The following KLF13 variants were observed in gnomAD, a reference collection of about 807,000 sequenced individuals.
KLF13 encodes KLF transcription factor 13.
Under a neutral mutation model 16.7 loss-of-function variants are expected in KLF13, and 8 were observed. The observed-to-expected ratio is 0.48, with a 90% CI of 0.28 to 0.87. KLF13 has a LOEUF of 0.87. Ranked by LOEUF, KLF13 falls within the 40% of genes least tolerant of loss-of-function variation. The pLI is 0.10. For synonymous variants in KLF13, 245 were observed against 208.4 expected (o/e 1.18, Z -1.51); for missense variants, 447 against 452.2 (o/e 0.99, Z 0.10).
At chr15:31,405,313 C>T (rs1158895275), downstream of KLF13, among the ~76,000 whole-genome samples, 1 of 151,926 alleles carries the variant, frequency 6.6e-6, no homozygotes, top group Non-Finnish European at 1.5e-5. Context: ...GACTCCGTCT[C>T]AAAAAAACAG....
intron 1 of KLF13, chr15:31,420,513 G>A: frequency 1.7e-6 from 1 of 595,264 alleles, no homozygotes; most frequent in South Asian, 1.5e-5. Context: ...TATGGCATCA[G>A]GACCATTCTG....
chr15:31,354,108 G>A (rs1327671655), intron 1 of KLF13, among the ~76,000 whole-genome samples: 3 of 152,202 alleles, frequency 2.0e-5, no homozygotes, highest in Admixed American at 2.0e-4. Context: ...CTTGGCCCCA[G>A]AGCCTGGCAC....
rs2038720982 is a variant in KLF13 at position 31,327,065 on chromosome 15, G to C, written c.-148G>C. 4.5e-6 allele frequency: 3 copies of C among 666,566 alleles called. No individual in the cohort carries two copies. The highest frequency in any genetic ancestry group is 5.9e-4 in the Middle Eastern group (1 of 1,704). The allele number at this position is 666,566 out of a possible 1,614,324, so 41.3% of individuals were successfully genotyped here. A position where few individuals can be genotyped will look rare whatever the true frequency, so the allele number is the denominator to read the frequency against. On this transcript the variant is annotated 5_prime_UTR_variant, in exon 1 of 2. Transcript: ENST00000307145. ...GCGGAGCCGCGCGGGTGACGGCACAGGCGGCTGCGCGCCCAGCCCAGCCCA... is the reference window on the plus strand; with the variant it reads ...GCGGAGCCGCGCGGGTGACGGCACACGCGGCTGCGCGCCCAGCCCAGCCCA...
chr15:31,336,003 G>T (rs2038924472), intron 1 of KLF13, among the ~76,000 whole-genome samples: 1 of 152,268 alleles, frequency 6.6e-6, no homozygotes, highest in Non-Finnish European at 1.5e-5. Context: ...CTTGTCTCCT[G>T]TGAGCACAGG....
intron 1 of KLF13, among the ~76,000 whole-genome samples, chr15:31,364,365 T>A (rs917125473): frequency 6.6e-6 from 1 of 152,238 alleles, no homozygotes; most frequent in African/African-American, 2.4e-5. Context: ...CAGCCAGGCT[T>A]CAGCACCCTG....
At chr15:31,329,812 C>A (rs2038795106) in intron 1 of KLF13, among the ~76,000 whole-genome samples, 1 of 152,202 alleles carries the variant, frequency 6.6e-6, no homozygotes, top group South Asian at 2.1e-4. Context: ...GTCCTACCTC[C>A]AGGGTGGAAG....
intron 1 of KLF13, among the ~76,000 whole-genome samples, chr15:31,329,673 C>T (rs550913343): frequency 7.2e-5 from 11 of 152,232 alleles, no homozygotes; most frequent in Non-Finnish European, 1.2e-4. Flanking sequence ...CCAGTTTCCT[C>T]GGAGCGCCTG....
intron 1 of KLF13, among the ~76,000 whole-genome samples, chr15:31,414,655 A>G (rs2040235034): frequency 6.6e-6 from 1 of 152,230 alleles, no homozygotes; most frequent in Non-Finnish European, 1.5e-5. Flanking sequence ...TAAAAGGATT[A>G]ACCCATCAGG....
chr15:31,345,027 G>A (rs1023327168), intron 1 of KLF13, among the ~76,000 whole-genome samples: 1 of 152,228 alleles, frequency 6.6e-6, no homozygotes, highest in Non-Finnish European at 1.5e-5. Flanking sequence ...TCCAGGCTCT[G>A]TGGGTCAGGG....
intron 1 of KLF13, among the ~76,000 whole-genome samples, chr15:31,340,642 C>T (rs1224467084): frequency 1.3e-5 from 2 of 152,148 alleles, no homozygotes; most frequent in Non-Finnish European, 2.9e-5. Context: ...GCCTGTAATC[C>T]CAGCACTTTG....
chr15:31,338,216 G>T (rs1265613991), intron 1 of KLF13, among the ~76,000 whole-genome samples: 3 of 152,176 alleles, frequency 2.0e-5, no homozygotes, highest in African/African-American at 4.8e-5. Context: ...CTTCCTAGTT[G>T]CCCTGGATTA....
At chr15:31,378,073 TG>T (rs1369753999), downstream of KLF13, among the ~76,000 whole-genome samples, 1 of 152,102 alleles carries the variant, frequency 6.6e-6, no homozygotes. Flanking sequence ...TTGCACACAG[TG>T]GGTGCTCTTC....
chr15:31,333,658 G>A (rs750073135), intron 1 of KLF13, among the ~76,000 whole-genome samples: 2 of 151,614 alleles, frequency 1.3e-5, no homozygotes, highest in Non-Finnish European at 2.9e-5. Flanking sequence ...TATCTGATAC[G>A]CAGTCCATAT....
intron 1 of KLF13, among the ~76,000 whole-genome samples, chr15:31,333,443 C>T (rs765335633): frequency 2.0e-5 from 3 of 152,262 alleles, no homozygotes; most frequent in African/African-American, 4.8e-5. Flanking sequence ...CACGGCTTCC[C>T]GCACAGATTT....
rs912479314 is a variant in KLF13, at chr15:31,332,507, C to G, written c.577+4718C>G. On this transcript the variant is annotated intron_variant, in intron 1 of 1. Transcript: ENST00000307145. ...GCTGGTGTGGCGCCATCTCCACTCC[C>G]CCCTTCCCCCTCGCTGAAAGAAGGC... Among the ~76,000 whole-genome samples, 5 of 152,180 alleles carry G rather than the reference C, an allele frequency of 3.3e-5. No homozygotes were observed. In the East Asian group the frequency reaches 7.7e-4, roughly 23 times the overall value.
At chr15:31,423,113 G>GTATATATACGTA (rs2040352770) in intron 1 of KLF13, among the ~76,000 whole-genome samples, 2 of 109,080 alleles carry the variant, frequency 1.8e-5, no homozygotes, top group African/African-American at 1.1e-4. Context: ...ATACGTATAC[G>GTATATATACGTA]TATATATACG....
In KLF13 at chr15:31,330,989, T is replaced by G. The variant is rs145423824; in HGVS notation, c.577+3200T>G. ...GGCTGGGGCCCTCTTGAGGGCAGACTGGTTGCCCAGATCCTGCCTCTGGAG... is the reference window on the plus strand; with the variant it reads ...GGCTGGGGCCCTCTTGAGGGCAGACGGGTTGCCCAGATCCTGCCTCTGGAG... On this transcript the variant is annotated intron_variant, in intron 1 of 1. Coordinates refer to ENST00000307145, the MANE Select transcript of KLF13 (RefSeq NM_015995.4). Among the ~76,000 whole-genome samples, 1,139 of 152,338 alleles carry G rather than the reference T, an allele frequency of 7.5e-3. 19 individuals are homozygous for G. Among genetic ancestry groups the G allele is most frequent in the African/African-American group, 0.026 (1,098 of 41,558 alleles).
At chr15:31,423,380 C>T (rs1299518139) in intron 1 of KLF13, among the ~76,000 whole-genome samples, 3 of 151,216 alleles carry the variant, frequency 2.0e-5, no homozygotes, top group Non-Finnish European at 4.4e-5. Flanking sequence ...GTCTGTAATC[C>T]CAGCGCTTTG....
chr15:31,348,162 T>C (rs2140945246), intron 1 of KLF13, among the ~76,000 whole-genome samples: 1 of 152,314 alleles, frequency 6.6e-6, no homozygotes. Flanking sequence ...CCACTCCTCC[T>C]CCCGTGGATT....
Sources: gnomAD v4.1 joint callset for allele counts (sites outside exome capture counted in the v4.1 genomes callset) on GRCh38, gnomAD v4.1.1 for gene constraint, MANE v1.5 for transcripts, NCBI Gene and HGNC (gene_info 2026-07-23, HGNC 2026-07-21) for gene names.